Variants in RCN1 observed in about 807,000 individuals in gnomAD.
The protein encoded by RCN1 is reticulocalbin 1.
Under a neutral mutation model 34.7 loss-of-function variants are expected in RCN1, and 14 were observed. The ratio of observed to expected loss-of-function variants is 0.40; its 90% confidence interval spans 0.27 to 0.63. RCN1 has a LOEUF of 0.63. Among genes scored for constraint, RCN1 ranks in the 30% least tolerant of loss-of-function variants. RCN1 has a pLI of 0.37. For missense variants in RCN1, 326 were observed against 425.1 expected (o/e 0.77, Z 2.05); for synonymous variants, 125 against 165.5 (o/e 0.76, Z 1.88).
chr11:32,103,196 TCA>T, intron 4 of RCN1, 83 bp from the exon 5 acceptor site: 1 of 1,242,464 alleles, frequency 8.0e-7, no homozygotes, highest in Middle Eastern at 1.9e-4. Flanking sequence ...TTCCTAAAGC[TCA>T]GGAGGTCAAG....
intron 1 of RCN1, among the ~76,000 whole-genome samples, chr11:32,093,401 C>T (rs951948863): frequency 2.6e-5 from 4 of 152,160 alleles, no homozygotes; most frequent in Non-Finnish European, 5.9e-5. Flanking sequence ...AGGAGAGAAG[C>T]ACAGACAAAC....
intron 1 of RCN1, among the ~76,000 whole-genome samples, chr11:32,095,386 A>G (rs745532299): frequency 9.2e-5 from 14 of 151,930 alleles, no homozygotes; most frequent in Non-Finnish European, 1.9e-4. Flanking sequence ...AGCTGGAGCT[A>G]CAGGCATGCA....
chr11:32,103,222 G>T (rs1357230533), intron 4 of RCN1, 59 bp from the exon 5 acceptor site: 5 of 1,482,818 alleles, frequency 3.4e-6, no homozygotes, highest in Middle Eastern at 1.7e-4. Flanking sequence ...GTTTTATGGG[G>T]GTGGGGGAGG....
intron 4 of RCN1, chr11:32,102,513 C>CA (rs1275065537): frequency 6.5e-6 from 1 of 153,208 alleles, no homozygotes; most frequent in Non-Finnish European, 1.5e-5. Context: ...GCTACTGACA[C>CA]ACACACAATG....
intron 1 of RCN1, among the ~76,000 whole-genome samples, chr11:32,094,093 A>G (rs1189194743): frequency 6.6e-6 from 1 of 152,106 alleles, no homozygotes; most frequent in Non-Finnish European, 1.5e-5. Context: ...GAGGTGCTGG[A>G]AATTATGGGT....
chr11:32,091,304 G>C lies in RCN1; in HGVS notation c.108G>C (p.Glu36Asp), dbSNP rs1851918223. 6.5e-7 allele frequency: 1 copy of C among 1,546,788 alleles called. No homozygotes were observed. Among genetic ancestry groups the C allele is most frequent in the African/African-American group, 1.4e-5 (1 of 72,780 alleles). ...GGGCCAAGCCCACGGTGCGCAAAGA[G>C]CGCGTGGTGCGGCCCGACTCGGAGC... is the stretch of plus-strand genomic sequence containing the variant. ...VLRAKPTVRK[E>D]RVVRPDSELG... The change falls in exon 1 of 6, where the codon GAG becomes GAC. Residue 36 changes from glutamate (E) to aspartate (D), a missense_variant. Glu to Asp is a conservative substitution (Grantham distance 45). Coordinates refer to ENST00000054950, the MANE Select transcript of RCN1 (RefSeq NM_002901.4).
At chr11:32,099,766 C>T (rs920253301) in intron 3 of RCN1, among the ~76,000 whole-genome samples, 11 of 152,166 alleles carry the variant, frequency 7.2e-5, no homozygotes, top group Non-Finnish European at 1.6e-4. Flanking sequence ...TGGAAGGGTC[C>T]ACTCATGCTT....
Position 32,097,336 on chromosome 11 carries a change from A to G in RCN1, c.447A>G (p.Leu149=), listed in dbSNP as rs1851984210. The change falls in exon 2 of 6, where the codon CTA becomes CTG. Residue 149 remains leucine (L), a splice_region_variant and synonymous_variant. Coordinates refer to ENST00000054950, the MANE Select transcript of RCN1 (RefSeq NM_002901.4). ...AACAAGCCACCTATGGTTACTACCT[A>G]GGTAAGAGGTGCTGCAGGAGCGATG... ...EYKQATYGYY[L]GNPAEFHDSS... is the part of the protein sequence containing the mutation. 3 of 1,547,092 alleles carry G rather than the reference A, an allele frequency of 1.9e-6. No homozygotes were observed. Among genetic ancestry groups the G allele is most frequent in the Admixed American group, 4.4e-5 (2 of 45,854 alleles).
chr11:32,098,320 A>G lies in RCN1; in HGVS notation c.449-30A>G, dbSNP rs988779205. The G allele has an allele frequency of 5.0e-6, 8 of 1,587,264 alleles. No homozygotes were observed. In the African/African-American group the frequency reaches 9.5e-5, roughly 19 times the overall value. On this transcript the variant is annotated intron_variant, in intron 2 of 5. Transcript: ENST00000054950. The stretch of plus-strand genomic sequence containing the variant: ...ACGCCTTTCTTGACCGCACGGTTTA[A>G]AAACATTTCTGCATACATACATCCT...
At chr11:32,100,503 G>T in intron 3 of RCN1, 45 bp from the exon 4 acceptor site, 1 of 1,487,870 alleles carries the variant, frequency 6.7e-7, no homozygotes. Context: ...AGACTTCTTA[G>T]AGCACATGGC....
chr11:32,104,255 C>A (rs988013098), intron 5 of RCN1, 110 bp from the exon 6 acceptor site: 2 of 669,854 alleles, frequency 3.0e-6, no homozygotes, highest in Admixed American at 2.6e-5. Context: ...TTCTGGATTA[C>A]TAAATATAGT....
intron 1 of RCN1, 24 bp downstream of exon 1, chr11:32,091,474 T>TG: frequency 2.0e-6 from 3 of 1,536,410 alleles, no homozygotes; most frequent in Non-Finnish European, 8.8e-7. Context: ...CAGGGCCCCG[T>TG]GGGGGGCGGC....
chr11:32,094,498 T>C (rs1851951917), intron 1 of RCN1, among the ~76,000 whole-genome samples: 1 of 152,188 alleles, frequency 6.6e-6, no homozygotes, highest in South Asian at 2.1e-4. Context: ...CAAGTGGCCA[T>C]AGGTCCCATC....
Position 32,104,340 on chromosome 11 carries a change from C to T in RCN1, c.889-25C>T, listed in dbSNP as rs374926250. 3 of 1,361,796 alleles carry T rather than the reference C, an allele frequency of 2.2e-6. No individual in the cohort carries two copies. The Admixed American group carries it at 5.0e-5, about 23-fold the overall frequency. The allele number at this position is 1,361,796 out of a possible 1,614,324, so 84.4% of individuals were successfully genotyped here. On this transcript the variant is annotated intron_variant, in intron 5 of 5. Coordinates refer to ENST00000054950, the MANE Select transcript of RCN1 (RefSeq NM_002901.4). The stretch of plus-strand genomic sequence containing the variant: ...AGTACAGTTACCAGAGCTTCCATGA[C>T]AGTGCTCTTTGATCTCTTCTATAGG...
chr11:32,103,019 G>C (rs1852063806), intron 4 of RCN1: 1 of 579,290 alleles, frequency 1.7e-6, no homozygotes, highest in Non-Finnish European at 3.3e-6. Context: ...GAAACTTCAG[G>C]CTCAGTCACT....
intron 5 of RCN1, 133 bp from the exon 6 acceptor site, chr11:32,104,232 G>A: frequency 3.4e-6 from 2 of 595,286 alleles, no homozygotes; most frequent in Non-Finnish European, 5.9e-6. Context: ...AGATGAAGGA[G>A]GTGCCCAGTA....
At chr11:32,094,167 TC>T (rs918644139) in intron 1 of RCN1, among the ~76,000 whole-genome samples, 6 of 151,998 alleles carry the variant, frequency 3.9e-5, no homozygotes, top group African/African-American at 1.5e-4. Context: ...GTTTCAGTGG[TC>T]CCCTCCAAGA....
At position 32,091,196 on chromosome 11, in the gene RCN1, G is replaced by C; in HGVS notation, c.-1G>C. 7.0e-7 allele frequency: 1 copy of C among 1,431,782 alleles called. No homozygotes were observed. The highest frequency in any genetic ancestry group is 1.5e-5 in the African/African-American group (1 of 66,066). The allele number at this position is 1,431,782 out of a possible 1,614,324, so 88.7% of individuals were successfully genotyped here. On this transcript the variant is annotated 5_prime_UTR_variant, in exon 1 of 6. Transcript: ENST00000054950. ...CTCTCGGCCGCCCTCTCCTCGGGAC[G>C]ATGGCGCGCGGTGGCCGCGGCCGCC...
intron 3 of RCN1, among the ~76,000 whole-genome samples, chr11:32,098,961 A>G (rs1288964494): frequency 1.3e-5 from 2 of 152,126 alleles, no homozygotes; most frequent in Non-Finnish European, 1.5e-5. Context: ...CCCTTCACGT[A>G]TGTTCCACTG....
Sources: gnomAD v4.1 joint callset for allele counts (sites outside exome capture counted in the v4.1 genomes callset) on GRCh38, gnomAD v4.1.1 for gene constraint, MANE v1.5 for transcripts, NCBI Gene and HGNC (gene_info 2026-07-23, HGNC 2026-07-21) for gene names.